AGMO: variants seen among roughly 807,000 people sequenced by gnomAD.
AGMO encodes alkylglycerol monooxygenase.
Under a neutral mutation model 60.2 loss-of-function variants are expected in AGMO, and 75 were observed. That is an observed-to-expected ratio of 1.25 (90% CI 1.03 to 1.51). The LOEUF (loss-of-function observed/expected upper bound fraction) is 1.51. Among genes scored for constraint, AGMO ranks in the 40% most tolerant of loss-of-function variants. AGMO has a pLI of 0.00. For synonymous variants in AGMO, 261 were observed against 177.1 expected (o/e 1.47, Z -3.76); for missense variants, 763 against 525.5 (o/e 1.45, Z -4.42).
intron 12 of AGMO, among the ~76,000 whole-genome samples, 171 bp downstream of exon 12, chr7:15,365,343 A>G (rs2128561146): frequency 6.7e-6 from 1 of 149,110 alleles, no homozygotes; most frequent in African/African-American, 2.5e-5. Flanking sequence ...AGCAATATTA[A>G]CTAGCTCAGA....
chr7:15,216,802 A>G (rs929667011), intron 12 of AGMO, among the ~76,000 whole-genome samples: 4 of 151,268 alleles, frequency 2.6e-5, no homozygotes, highest in African/African-American at 9.7e-5. Context: ...TTACGTTCCT[A>G]TATAAGTGCA....
intron 3 of AGMO, among the ~76,000 whole-genome samples, chr7:15,540,877 G>C (rs1396386690): frequency 6.6e-6 from 1 of 152,068 alleles, no homozygotes; most frequent in African/African-American, 2.4e-5. Context: ...TAAATTTTAA[G>C]TGTACAACCA....
At chr7:15,335,864 C>T (rs1353200931) in intron 12 of AGMO, among the ~76,000 whole-genome samples, 5 of 152,076 alleles carry the variant, frequency 3.3e-5, no homozygotes, top group Admixed American at 1.3e-4. Flanking sequence ...ATGTAGTCTT[C>T]GTGTTATTTT....
In AGMO at chr7:15,205,011, C is replaced by A. The variant is rs562161809; in HGVS notation, c.1264-3652G>T. On this transcript the variant is annotated intron_variant, in intron 12 of 12. Coordinates refer to ENST00000342526, the MANE Select transcript of AGMO (RefSeq NM_001004320.2). Reference sequence around the variant, plus strand: ...AGGTTTATGTCTGTGTTTTGAGAGGCCTTATTCAAAATGGCTCTAATGAAG... The same window carrying A: ...AGGTTTATGTCTGTGTTTTGAGAGGACTTATTCAAAATGGCTCTAATGAAG... 2.6e-3 allele frequency among the ~76,000 whole-genome samples: 394 copies of A among 152,136 alleles called. 1 individual carries two copies. The highest frequency in any genetic ancestry group is 4.5e-3 in the Non-Finnish European group (303 of 67,984).
At chr7:15,367,658 G>C (rs1432084757) in intron 10 of AGMO, among the ~76,000 whole-genome samples, 7 of 152,094 alleles carry the variant, frequency 4.6e-5, no homozygotes, top group African/African-American at 1.2e-4. Flanking sequence ...CCAAAGTTTA[G>C]AGCCAGGTGA....
intron 12 of AGMO, among the ~76,000 whole-genome samples, chr7:15,267,827 G>C (rs1003719265): frequency 1.3e-5 from 2 of 151,974 alleles, no homozygotes; most frequent in African/African-American, 4.8e-5. Context: ...CGCTAAAGCA[G>C]AGTATTTCAA....
intron 3 of AGMO, among the ~76,000 whole-genome samples, chr7:15,443,788 A>G (rs1781628094): frequency 6.6e-6 from 1 of 152,192 alleles, no homozygotes; most frequent in African/African-American, 2.4e-5. Flanking sequence ...TTTATGACAC[A>G]TAAACATTAT....
chr7:15,183,658 T>C, the AGMO span, among the ~76,000 whole-genome samples: 1 of 152,310 alleles, frequency 6.6e-6, no homozygotes, highest in Non-Finnish European at 1.5e-5. Flanking sequence ...TTTCCTCAAC[T>C]GTAAGATGGA....
chr7:15,345,631 C>G (rs1409444043), intron 12 of AGMO, among the ~76,000 whole-genome samples: 1 of 152,164 alleles, frequency 6.6e-6, no homozygotes, highest in African/African-American at 2.4e-5. Flanking sequence ...TATCTTGGTA[C>G]TTGGTACTGA....
intron 3 of AGMO, among the ~76,000 whole-genome samples, chr7:15,486,629 A>G (rs1036992019): frequency 6.6e-6 from 1 of 152,198 alleles, no homozygotes; most frequent in African/African-American, 2.4e-5. Flanking sequence ...GTTAAATTAT[A>G]AGACACCAAT....
At chr7:15,184,313 G>GGAA in the AGMO span, among the ~76,000 whole-genome samples, 1 of 103,698 alleles carries the variant, frequency 9.6e-6, no homozygotes, top group Non-Finnish European at 1.9e-5. Flanking sequence ...CAGGGAGGGA[G>GGAA]GGAAGGAGGG....
the AGMO span, among the ~76,000 whole-genome samples, chr7:15,186,230 C>T: frequency 6.6e-6 from 1 of 152,176 alleles, no homozygotes; most frequent in African/African-American, 2.4e-5. Context: ...ATTTGGCTTC[C>T]AACAATACAA....
At chr7:15,208,483 A>C (rs1409312523) in intron 12 of AGMO, among the ~76,000 whole-genome samples, 1 of 152,220 alleles carries the variant, frequency 6.6e-6, no homozygotes, top group Admixed American at 6.5e-5. Context: ...AAAACTTTTA[A>C]GAATGGTCTG....
At chr7:15,215,308 A>G (rs73277610) in intron 12 of AGMO, among the ~76,000 whole-genome samples, 6,044 of 152,128 alleles carry the variant, frequency 0.04, 399 homozygotes, top group African/African-American at 0.14. Flanking sequence ...ATTTCTCCAC[A>G]ATTTGATCAA....
chr7:15,182,868 C>G, the AGMO span, among the ~76,000 whole-genome samples: 1 of 152,056 alleles, frequency 6.6e-6, no homozygotes, highest in African/African-American at 2.4e-5. Context: ...AGGAAACTTT[C>G]AATCGTGGTG....
At chr7:15,134,958 C>T in the AGMO span, among the ~76,000 whole-genome samples, 1 of 151,866 alleles carries the variant, frequency 6.6e-6, no homozygotes, top group Non-Finnish European at 1.5e-5. Flanking sequence ...ATATATCACT[C>T]CATGGTAACT....
chr7:15,424,794 C>T (rs1328157253), intron 4 of AGMO, among the ~76,000 whole-genome samples: 1 of 152,130 alleles, frequency 6.6e-6, no homozygotes, highest in African/African-American at 2.4e-5. Flanking sequence ...TTCATGGGGG[C>T]TTAATGCATG....
Position 15,275,617 on chromosome 7 carries a change from A to G in AGMO, c.1264-74258T>C, listed in dbSNP as rs76636827. ...ATTTCTTTGATTTTCTGTCTTAATA[A>G]TCTGCCTTCTGTCACCAGTGGGGTG... On this transcript the variant is annotated intron_variant, in intron 12 of 12. Coordinates refer to ENST00000342526, the MANE Select transcript of AGMO (RefSeq NM_001004320.2). 8.9e-3 allele frequency among the ~76,000 whole-genome samples: 1,349 copies of G among 152,214 alleles called. 24 individuals carry two copies. Among genetic ancestry groups the G allele is most frequent in the African/African-American group, 0.031 (1,287 of 41,528 alleles).
intron 12 of AGMO, among the ~76,000 whole-genome samples, chr7:15,299,632 C>T (rs1432213573): frequency 6.6e-6 from 1 of 151,948 alleles, no homozygotes; most frequent in African/African-American, 2.4e-5. Context: ...TCTAGAGCAG[C>T]CTAGGCAACA....
Sources: allele counts gnomAD v4.1 joint callset (sites outside exome capture counted in the v4.1 genomes callset), GRCh38; gene constraint gnomAD v4.1.1; transcripts MANE v1.5; gene names NCBI Gene and HGNC (gene_info 2026-07-23, HGNC 2026-07-21).